The following TNFRSF19 variants were observed in gnomAD, a reference collection of about 807,000 sequenced individuals.
The protein encoded by TNFRSF19 is tumor necrosis factor receptor superfamily member 19.
TNFRSF19 carries 27 observed loss-of-function variants against 46.4 expected under a neutral mutation model. That is an observed-to-expected ratio of 0.58 (90% CI 0.43 to 0.80). The LOEUF (loss-of-function observed/expected upper bound fraction) is 0.80, where lower values mean the gene tolerates loss of function less well. Among genes scored for constraint, TNFRSF19 ranks in the 30% least tolerant of loss-of-function variants. The probability of loss-of-function intolerance (pLI) is 0.00; values close to 1 mark genes in which losing one functional copy is unlikely to be tolerated. For missense variants in TNFRSF19, 511 were observed against 530.8 expected (o/e 0.96, Z 0.37); for synonymous variants, 204 against 205.0 (o/e 1.00, Z 0.04).
intron 1 of TNFRSF19, among the ~76,000 whole-genome samples, chr13:23,574,083 C>A (rs536752716): frequency 2.2e-5 from 3 of 136,158 alleles, no homozygotes; most frequent in South Asian, 2.4e-4. Context: ...AAAAAAAAAT[C>A]TATCTATCTA....
intron 1 of TNFRSF19, among the ~76,000 whole-genome samples, chr13:23,581,030 ACT>A (rs1205786891): frequency 2.0e-5 from 3 of 151,964 alleles, no homozygotes; most frequent in Non-Finnish European, 2.9e-5. Context: ...GTGTCTTGCA[ACT>A]CTGAGTCCAG....
chr13:23,661,863 G>C (rs1220694729), intron 7 of TNFRSF19, among the ~76,000 whole-genome samples: 1 of 152,032 alleles, frequency 6.6e-6, no homozygotes, highest in East Asian at 1.9e-4. Context: ...GTCTGTTCAT[G>C]TCCTTTGCCC....
chr13:23,604,889 C>G (rs1177700729), intron 3 of TNFRSF19, among the ~76,000 whole-genome samples: 1 of 152,158 alleles, frequency 6.6e-6, no homozygotes, highest in Non-Finnish European at 1.5e-5. Context: ...AAGATTTTCT[C>G]TAGAAGACCT....
chr13:23,617,243 CA>C (rs1231772423), intron 4 of TNFRSF19, among the ~76,000 whole-genome samples: 1 of 152,124 alleles, frequency 6.6e-6, no homozygotes, highest in Non-Finnish European at 1.5e-5. Context: ...GCGTGCAGTA[CA>C]CCAAGTTACA....
At chr13:23,653,093 C>T (rs1333417521) in intron 5 of TNFRSF19, among the ~76,000 whole-genome samples, 1 of 152,186 alleles carries the variant, frequency 6.6e-6, no homozygotes, top group Non-Finnish European at 1.5e-5. Context: ...GCTTCCTGCC[C>T]CCTGTGCTAA....
chr13:23,622,853 T>C (rs1049028993), intron 4 of TNFRSF19, among the ~76,000 whole-genome samples: 13 of 152,232 alleles, frequency 8.5e-5, no homozygotes, highest in African/African-American at 3.1e-4. Flanking sequence ...ATAAAAAGTA[T>C]TAGTCTGGAT....
chr13:23,642,635 G>A (rs911863869), intron 5 of TNFRSF19, among the ~76,000 whole-genome samples: 6 of 152,196 alleles, frequency 3.9e-5, no homozygotes, highest in African/African-American at 1.4e-4. Flanking sequence ...CAAGAAAGAG[G>A]GAAGGAAAGA....
At chr13:23,642,466 GTTATTTC>G (rs1215965525) in intron 5 of TNFRSF19, among the ~76,000 whole-genome samples, 1 of 152,172 alleles carries the variant, frequency 6.6e-6, no homozygotes, top group Non-Finnish European at 1.5e-5. Context: ...AATACATATT[GTTATTTC>G]TTGGTTTTAC....
chr13:23,575,989 C>CT (rs1283564234), intron 1 of TNFRSF19, among the ~76,000 whole-genome samples: 1 of 152,172 alleles, frequency 6.6e-6, no homozygotes, highest in African/African-American at 2.4e-5. Flanking sequence ...ACAAACACCT[C>CT]TATCAAGATT....
chr13:23,586,257 C>CAA (rs34228080), intron 1 of TNFRSF19, among the ~76,000 whole-genome samples: 21,252 of 91,652 alleles, frequency 0.23, 2,627 homozygotes, highest in African/African-American at 0.34. Flanking sequence ...GACTCCGTCT[C>CAA]AAAAAAAAAA....
chr13:23,618,243 T>C (rs1047146034), intron 4 of TNFRSF19, among the ~76,000 whole-genome samples: 2 of 152,172 alleles, frequency 1.3e-5, no homozygotes, highest in African/African-American at 4.8e-5. Flanking sequence ...GCAAATCATA[T>C]GTCTGGTAAG....
chr13:23,588,675 A>T (rs1879022108), intron 1 of TNFRSF19, among the ~76,000 whole-genome samples: 1 of 152,212 alleles, frequency 6.6e-6, no homozygotes, highest in Admixed American at 6.5e-5. Flanking sequence ...TGAAAGAAAT[A>T]ACCTGAAGCA....
rs1357920796 is a variant in TNFRSF19, at chr13:23,676,013, TTATA to T, written c.*2634_*2637del. ...TCATTACTATTTTGCATACTGGAAT[TTATA>T]AATGTGTAAATTATCATTTTCTTAG... is the stretch of plus-strand genomic sequence containing the variant. On this transcript the variant is annotated 3_prime_UTR_variant, in exon 10 of 10. Coordinates refer to ENST00000248484, the MANE Select transcript of TNFRSF19 (RefSeq NM_148957.4). 1 of 152,228 alleles carries T rather than the reference TTATA, an allele frequency of 6.6e-6. No homozygotes were observed. The highest frequency in any genetic ancestry group is 1.5e-5 in the Non-Finnish European group (1 of 68,042). The allele number at this position is 152,228 out of a possible 1,614,324, so 9.4% of individuals were successfully genotyped here. A position where few individuals can be genotyped will look rare whatever the true frequency, so the allele number is the denominator to read the frequency against.
chr13:23,641,610 C>T (rs373776581), intron 5 of TNFRSF19, among the ~76,000 whole-genome samples: 22 of 152,306 alleles, frequency 1.4e-4, no homozygotes, highest in East Asian at 1.2e-3. Flanking sequence ...GGATTACAGG[C>T]GTGAGCCACC....
At chr13:23,669,427 A>C in intron 9 of TNFRSF19, 2 of 984,610 alleles carry the variant, frequency 2.0e-6, no homozygotes, top group Non-Finnish European at 1.2e-6. Flanking sequence ...CCTGACCTTC[A>C]TTTCTTCCTG....
intron 3 of TNFRSF19, 97 bp downstream of exon 3, chr13:23,593,552 A>G (rs1879478622): frequency 1.2e-6 from 1 of 826,774 alleles, no homozygotes; most frequent in South Asian, 1.7e-5. Flanking sequence ...AACTTTGGAT[A>G]CCATGACAGA....
In TNFRSF19 at chr13:23,675,275, G is replaced by T. The variant is rs1270175753; in HGVS notation, c.*1895G>T. The T allele has an allele frequency of 6.6e-6, 1 of 151,570 alleles. No individual in the cohort carries two copies. The highest frequency in any genetic ancestry group is 1.5e-5 in the Non-Finnish European group (1 of 68,038). 9.4% of individuals were successfully genotyped at this position (151,570 alleles called of 1,614,324 possible). ...CTGTTTGCATTTCTGTTATGACAGA[G>T]AGATGATGTTTGCATTTCTGTTATG... On this transcript the variant is annotated 3_prime_UTR_variant, in exon 10 of 10. Coordinates refer to ENST00000248484, the MANE Select transcript of TNFRSF19 (RefSeq NM_148957.4).
chr13:23,647,859 T>A (rs188395943), intron 5 of TNFRSF19, among the ~76,000 whole-genome samples: 1 of 152,328 alleles, frequency 6.6e-6, no homozygotes, highest in Non-Finnish European at 1.5e-5. Context: ...TTGAATGGTA[T>A]TGGCACTCAT....
intron 9 of TNFRSF19, among the ~76,000 whole-genome samples, chr13:23,671,624 G>A (rs1951763441): frequency 6.6e-6 from 1 of 152,104 alleles, no homozygotes; most frequent in African/African-American, 2.4e-5. Context: ...CCAACCAAGT[G>A]TTTAACTCAA....
Sources: allele counts gnomAD v4.1 joint callset (sites outside exome capture counted in the v4.1 genomes callset), GRCh38; gene constraint gnomAD v4.1.1; transcripts MANE v1.5; gene names NCBI Gene and HGNC (gene_info 2026-07-23, HGNC 2026-07-21).